Variants in MZT2A observed in about 807,000 individuals in gnomAD.
The protein encoded by MZT2A is mitotic-spindle organizing protein 2A.
A neutral mutation model predicts 12.4 loss-of-function variants in MZT2A; 8 were observed. That is an observed-to-expected ratio of 0.64 (90% confidence interval 0.38 to 1.16). MZT2A has a LOEUF of 1.16. MZT2A is among the 50% of genes most tolerant of loss of function. MZT2A has a pLI of 0.01. For missense variants in MZT2A, 181 were observed against 223.6 expected, an observed-to-expected ratio of 0.81 and a Z score of 1.22; for synonymous variants, 88 against 107.5, an observed-to-expected ratio of 0.82 and a Z score of 1.12.
intron 2 of MZT2A, chr2:131,489,322 G>A (rs1679191971): frequency 6.7e-6 from 1 of 149,058 alleles, no homozygotes; most frequent in African/African-American, 2.5e-5. Flanking sequence ...AGCCTCCCAA[G>A]TAGCTGGGAA....
chr2:131,488,303 A>G (rs1255306752), intron 2 of MZT2A, among the ~76,000 whole-genome samples: 1 of 152,112 alleles, frequency 6.6e-6, no homozygotes, highest in Non-Finnish European at 1.5e-5. Context: ...CACCAAGACA[A>G]GCATCGACCC....
chr2:131,484,425 G>A (rs1047133947), intron 2 of MZT2A, among the ~76,000 whole-genome samples: 1 of 152,242 alleles, frequency 6.6e-6, no homozygotes, highest in Non-Finnish European at 1.5e-5. Context: ...GTGTGCAGGG[G>A]ACCCTTTAGG....
At chr2:131,477,037 C>CTTTTTTTTTTTTTTTT (rs1229461335) in intron 2 of MZT2A, among the ~76,000 whole-genome samples, 1 of 108,728 alleles carries the variant, frequency 9.2e-6, no homozygotes, top group African/African-American at 6.8e-5. Flanking sequence ...CTTTTTCTTT[C>CTTTTTTTTTTTTTTTT]TTTTTTTTTT....
intron 2 of MZT2A, 102 bp from the exon 3 acceptor site, chr2:131,484,320 C>T: frequency 6.6e-7 from 1 of 1,522,252 alleles, no homozygotes; most frequent in Non-Finnish European, 8.9e-7. Flanking sequence ...CTACACATTT[C>T]CATCAAAGTC....
intron 3 of MZT2A, among the ~76,000 whole-genome samples, chr2:131,470,721 G>A (rs1704965388): frequency 7.1e-6 from 1 of 141,778 alleles, no homozygotes; most frequent in African/African-American, 3.2e-5. Flanking sequence ...ACAAGAAGAA[G>A]CAGAAGCAGA....
At chr2:131,482,409 A>C, downstream of MZT2A, 1 of 1,330,548 alleles carries the variant, frequency 7.5e-7, no homozygotes, top group Non-Finnish European at 1.0e-6. Flanking sequence ...TGCCTGGTGC[A>C]GAGAAGGGCT....
chr2:131,488,547 C>T (rs764542415), intron 2 of MZT2A, among the ~76,000 whole-genome samples: 8 of 151,116 alleles, frequency 5.3e-5, no homozygotes, highest in Middle Eastern at 3.4e-3. Flanking sequence ...CGGATTACTC[C>T]GACAACCCCC....
chr2:131,471,482 C>T (rs528081670), intron 3 of MZT2A, among the ~76,000 whole-genome samples: 5 of 146,746 alleles, frequency 3.4e-5, no homozygotes, highest in Non-Finnish European at 7.4e-5. Flanking sequence ...AAAAAAGAAC[C>T]TAATTGTGTT....
At chr2:131,476,001 C>T in intron 2 of MZT2A, 1 of 962,932 alleles carries the variant, frequency 1.0e-6, no homozygotes, top group Non-Finnish European at 1.5e-6. Context: ...CCCCAGTACA[C>T]ATGTTGAGCA....
At chr2:131,487,184 A>G (rs1559358348) in intron 2 of MZT2A, among the ~76,000 whole-genome samples, 1 of 152,186 alleles carries the variant, frequency 6.6e-6, no homozygotes, top group Non-Finnish European at 1.5e-5. Flanking sequence ...TGAATGTTAA[A>G]AACAGCCTGG....
chr2:131,477,761 C>T (rs1678722841), intron 2 of MZT2A, among the ~76,000 whole-genome samples: 1 of 151,734 alleles, frequency 6.6e-6, no homozygotes, highest in African/African-American at 2.4e-5. Context: ...CCATGGTGAC[C>T]TGGGACCTAC....
chr2:131,475,319 CTTTTTTTTTTTTTTTTTT>C (rs551443616), intron 2 of MZT2A, among the ~76,000 whole-genome samples: 1 of 94,516 alleles, frequency 1.1e-5, no homozygotes, highest in Non-Finnish European at 1.9e-5. Flanking sequence ...TCCTTTCTTC[CTTTTTTTTTTTTTTTTTT>C]TTTTTTTTGA....
At chr2:131,472,562 C>G (rs1559341320) in intron 2 of MZT2A, among the ~76,000 whole-genome samples, 1 of 152,194 alleles carries the variant, frequency 6.6e-6, no homozygotes, top group Non-Finnish European at 1.5e-5. Context: ...CAACAACAGA[C>G]AGCATATATA....
chr2:131,476,094 AT>A, intron 2 of MZT2A: 1 of 1,562,092 alleles, frequency 6.4e-7, no homozygotes, highest in South Asian at 1.2e-5. Context: ...CGGCGGGCCA[AT>A]CCCGTGCGGC....
chr2:131,479,262 G>T, downstream of MZT2A: 2 of 1,595,806 alleles, frequency 1.3e-6, no homozygotes, highest in Non-Finnish European at 1.7e-6. Context: ...CCATCTTGGT[G>T]AGTACAGGCC....
At chr2:131,479,621 C>T (rs186331851), downstream of MZT2A, among the ~76,000 whole-genome samples, 2 of 152,234 alleles carry the variant, frequency 1.3e-5, no homozygotes, top group Non-Finnish European at 2.9e-5. Context: ...GGGTGGATTA[C>T]CTGAGGTCAG....
upstream of MZT2A, chr2:131,493,198 C>A: frequency 7.2e-7 from 1 of 1,390,750 alleles, no homozygotes; most frequent in Non-Finnish European, 9.3e-7. Flanking sequence ...CTTCCGCGAG[C>A]CCCTGCGGAG....
intron 2 of MZT2A, chr2:131,490,412 C>G: frequency 1.6e-6 from 2 of 1,229,706 alleles, no homozygotes; most frequent in Non-Finnish European, 2.1e-6. Context: ...GCACACTGCA[C>G]CCGGCTGGCT....
upstream of MZT2A, among the ~76,000 whole-genome samples, chr2:131,493,486 GGGT>G (rs1679431848): frequency 6.6e-6 from 1 of 152,122 alleles, no homozygotes. Flanking sequence ...AGCCGGGTGT[GGGT>G]CCCAGCTCGA....
Sources: gnomAD v4.1 joint callset for allele counts (sites outside exome capture counted in the v4.1 genomes callset) on GRCh38, gnomAD v4.1.1 for gene constraint, MANE v1.5 for transcripts, NCBI Gene and HGNC (gene_info 2026-07-23, HGNC 2026-07-21) for gene names.